STPG2: variants seen among roughly 807,000 people sequenced by gnomAD.
The protein encoded by STPG2 is sperm tail PG-rich repeat containing 2.
Under a neutral mutation model 54.2 loss-of-function variants are expected in STPG2, and 56 were observed. That is an observed-to-expected ratio of 1.03 (90% CI 0.83 to 1.29). The LOEUF is 1.29. Ranked by LOEUF, STPG2 falls within the 50% of genes most tolerant of loss-of-function variation. The probability of loss-of-function intolerance (pLI) is 0.00; values close to 1 mark genes in which losing one functional copy is unlikely to be tolerated. For missense variants in STPG2, 596 were observed against 544.9 expected, an observed-to-expected ratio of 1.09 and a Z score of -0.93; for synonymous variants, 200 against 181.8, an observed-to-expected ratio of 1.10 and a Z score of -0.81.
chr4:97,891,866 G>GA (rs898152195), intron 8 of STPG2, among the ~76,000 whole-genome samples: 8 of 151,910 alleles, frequency 5.3e-5, no homozygotes, highest in Non-Finnish European at 8.8e-5. Flanking sequence ...TACAAAAGCA[G>GA]AAAAAATGCT....
intron 5 of STPG2, among the ~76,000 whole-genome samples, chr4:98,103,339 C>T (rs555545675): frequency 6.6e-6 from 1 of 152,090 alleles, no homozygotes; most frequent in Admixed American, 6.6e-5. Context: ...TCATGACCAT[C>T]TTTCTATAAA....
intron 9 of STPG2, among the ~76,000 whole-genome samples, chr4:97,785,015 T>C (rs1295629275): frequency 6.6e-6 from 1 of 152,084 alleles, no homozygotes; most frequent in Non-Finnish European, 1.5e-5. Flanking sequence ...TAATTAAAGA[T>C]AAAATGTTTT....
chr4:97,860,712 AT>A (rs1230089846), intron 8 of STPG2, among the ~76,000 whole-genome samples: 1 of 152,090 alleles, frequency 6.6e-6, no homozygotes, highest in Non-Finnish European at 1.5e-5. Flanking sequence ...ACATGACCGT[AT>A]CATCAGCAAA....
chr4:98,007,054 T>C (rs1402122461), intron 5 of STPG2, among the ~76,000 whole-genome samples: 3 of 152,210 alleles, frequency 2.0e-5, no homozygotes, highest in East Asian at 1.9e-4. Flanking sequence ...GGTCCAGCTC[T>C]GTACAGCTTC....
intron 8 of STPG2, among the ~76,000 whole-genome samples, chr4:97,848,309 T>C (rs1158437825): frequency 2.0e-5 from 3 of 152,138 alleles, no homozygotes; most frequent in African/African-American, 7.2e-5. Flanking sequence ...AAATATACCA[T>C]ATATATTTGA....
chr4:98,033,196 T>G (rs914870428), intron 5 of STPG2, among the ~76,000 whole-genome samples: 1 of 150,912 alleles, frequency 6.6e-6, no homozygotes, highest in African/African-American at 2.4e-5. Context: ...ACAAAATAGA[T>G]AGACTGCTAG....
At chr4:97,663,261 T>C (rs2148963174) in intron 10 of STPG2, among the ~76,000 whole-genome samples, 1 of 152,282 alleles carries the variant, frequency 6.6e-6, no homozygotes, top group South Asian at 2.1e-4. Context: ...AATATGAGCT[T>C]GGGCTGGAAA....
intron 4 of STPG2, among the ~76,000 whole-genome samples, chr4:97,511,541 T>C (rs967012346): frequency 6.6e-6 from 1 of 152,018 alleles, no homozygotes; most frequent in African/African-American, 2.4e-5. Context: ...TCTCAGTAAC[T>C]GGTAGAATAA....
intron 10 of STPG2, among the ~76,000 whole-genome samples, chr4:97,702,451 C>T (rs1723807315): frequency 6.6e-6 from 1 of 152,132 alleles, no homozygotes; most frequent in African/African-American, 2.4e-5. Flanking sequence ...AACCCTCAAC[C>T]TCACCTCTAG....
chr4:97,931,926 T>A (rs1435079505), intron 8 of STPG2, among the ~76,000 whole-genome samples: 1 of 152,168 alleles, frequency 6.6e-6, no homozygotes, highest in Non-Finnish European at 1.5e-5. Context: ...TCAGAACTCA[T>A]TATTGGTCTG....
At chr4:98,130,847 G>A (rs553307380) in intron 2 of STPG2, among the ~76,000 whole-genome samples, 1 of 150,140 alleles carries the variant, frequency 6.7e-6, no homozygotes, top group African/African-American at 2.5e-5. Flanking sequence ...GCGTGAACCC[G>A]GGAGGTGGAG....
At chr4:98,077,306 C>T (rs1482221057) in intron 5 of STPG2, among the ~76,000 whole-genome samples, 6 of 151,930 alleles carry the variant, frequency 3.9e-5, no homozygotes, top group Non-Finnish European at 7.4e-5. Flanking sequence ...TGCAGTGGCA[C>T]GATCTCAGCT....
intron 9 of STPG2, among the ~76,000 whole-genome samples, chr4:97,768,162 G>A (rs561862142): frequency 2.4e-5 from 3 of 127,244 alleles, no homozygotes; most frequent in South Asian, 5.1e-4. Context: ...GCGAGACTCC[G>A]TCTCAAAAAA....
chr4:97,481,946 T>G (rs1249946250), intron 4 of STPG2, among the ~76,000 whole-genome samples: 1 of 151,636 alleles, frequency 6.6e-6, no homozygotes. Flanking sequence ...CACTCAGTCT[T>G]TCATCAACAA....
At chr4:98,134,841 A>G (rs189400737) in intron 1 of STPG2, among the ~76,000 whole-genome samples, 1 of 151,958 alleles carries the variant, frequency 6.6e-6, no homozygotes, top group East Asian at 1.9e-4. Flanking sequence ...TGCAGAAAAC[A>G]TCATATATAA....
At chr4:97,961,506 T>C (rs1733888612) in intron 7 of STPG2, among the ~76,000 whole-genome samples, 1 of 151,870 alleles carries the variant, frequency 6.6e-6, no homozygotes, top group African/African-American at 2.4e-5. Flanking sequence ...TCAACCAAAT[T>C]AGCAAGAAAA....
chr4:97,949,159 A>G (rs1733366017), intron 7 of STPG2, among the ~76,000 whole-genome samples: 1 of 152,094 alleles, frequency 6.6e-6, no homozygotes, highest in Non-Finnish European at 1.5e-5. Flanking sequence ...TTATCATCAT[A>G]TAATGATCTT....
chr4:97,764,894 T>C (rs1725992808), intron 9 of STPG2, among the ~76,000 whole-genome samples: 2 of 152,094 alleles, frequency 1.3e-5, no homozygotes, highest in Non-Finnish European at 2.9e-5. Context: ...TAGACATAGC[T>C]GAATCCAGAA....
At chr4:97,619,130 C>T (rs888221683) in intron 10 of STPG2, among the ~76,000 whole-genome samples, 4 of 152,046 alleles carry the variant, frequency 2.6e-5, no homozygotes, top group Non-Finnish European at 5.9e-5. Flanking sequence ...ACAGTAAGTG[C>T]TGAAGATCAT....
Sources: allele counts gnomAD v4.1 joint callset (sites outside exome capture counted in the v4.1 genomes callset), GRCh38; gene constraint gnomAD v4.1.1; transcripts MANE v1.5; gene names NCBI Gene and HGNC (gene_info 2026-07-23, HGNC 2026-07-21).